The following KCNQ5 variants were observed in gnomAD, a reference collection of about 807,000 sequenced individuals.
KCNQ5 encodes the protein potassium voltage-gated channel subfamily KQT member 5.
KCNQ5 carries 30 observed loss-of-function variants against 98.2 expected under a neutral mutation model. That is an observed-to-expected ratio of 0.31 (90% CI 0.23 to 0.41). The LOEUF (loss-of-function observed/expected upper bound fraction) is 0.41, where lower values mean the gene tolerates loss of function less well. Ranked by LOEUF, KCNQ5 falls within the 10% of genes least tolerant of loss-of-function variation. KCNQ5 has a pLI of 1.00. For missense variants in KCNQ5, 835 were observed against 1,182.5 expected (o/e 0.71, Z 4.31); for synonymous variants, 458 against 449.4 (o/e 1.02, Z -0.24).
intron 10 of KCNQ5, among the ~76,000 whole-genome samples, chr6:73,137,358 A>G (rs963671219): frequency 6.6e-6 from 1 of 152,240 alleles, no homozygotes; most frequent in African/African-American, 2.4e-5. Context: ...TGCTGAAGCC[A>G]CAAATGACAA....
chr6:72,961,209 A>C (rs138494564), intron 1 of KCNQ5, among the ~76,000 whole-genome samples: 1 of 152,236 alleles, frequency 6.6e-6, no homozygotes. Context: ...TATACTGTGG[A>C]TAAGAGTGAT....
At chr6:72,764,492 G>A (rs1040118416) in intron 1 of KCNQ5, among the ~76,000 whole-genome samples, 3 of 151,864 alleles carry the variant, frequency 2.0e-5, no homozygotes, top group Admixed American at 2.0e-4. Context: ...TGGGTAAGTA[G>A]TATGTGTATA....
chr6:73,116,974 A>G (rs916545556), intron 7 of KCNQ5, among the ~76,000 whole-genome samples: 1 of 152,310 alleles, frequency 6.6e-6, no homozygotes, highest in South Asian at 2.1e-4. Context: ...TCCCAAAAAA[A>G]CTGAATTATA....
At chr6:72,812,442 G>A (rs534536947) in intron 1 of KCNQ5, among the ~76,000 whole-genome samples, 2 of 152,302 alleles carry the variant, frequency 1.3e-5, no homozygotes, top group African/African-American at 4.8e-5. Context: ...ATTGTACAGG[G>A]AGCCCATAGG....
intron 1 of KCNQ5, among the ~76,000 whole-genome samples, chr6:72,732,208 A>G (rs1003013156): frequency 6.6e-6 from 1 of 152,156 alleles, no homozygotes; most frequent in African/African-American, 2.4e-5. Context: ...AGATACAGAG[A>G]TACTTCTAGT....
chr6:72,705,926 T>TTG (rs1317563003), intron 1 of KCNQ5, among the ~76,000 whole-genome samples: 19 of 151,840 alleles, frequency 1.3e-4, no homozygotes, highest in South Asian at 4.2e-4. Context: ...GAAATGAGAT[T>TTG]TGTGTGTGTG....
intron 1 of KCNQ5, among the ~76,000 whole-genome samples, chr6:72,930,430 T>C (rs1028539214): frequency 1.3e-5 from 2 of 152,130 alleles, no homozygotes; most frequent in African/African-American, 4.8e-5. Context: ...TAGCCAGTCT[T>C]GGCTTTCTAA....
intron 1 of KCNQ5, among the ~76,000 whole-genome samples, chr6:72,627,471 T>C (rs1363171393): frequency 6.6e-6 from 1 of 152,208 alleles, no homozygotes; most frequent in African/African-American, 2.4e-5. Context: ...AAAAAGGTTA[T>C]GGCCAGCAGT....
rs534936933 is a variant in KCNQ5 at position 72,860,460 on chromosome 6, C to A, written c.399-143448C>A. 3.2e-4 allele frequency among the ~76,000 whole-genome samples: 49 copies of A among 152,096 alleles called. 1 individual carries two copies. The South Asian group carries it at 9.4e-3, about 29-fold the overall frequency. ...GTGGCTTTGGCTTACTTAATCTTTC[C>A]TAGGCTTCAGTTTCCTCATCTGTAA... On this transcript the variant is annotated intron_variant, in intron 1 of 13. Transcript: ENST00000370398.
chr6:72,910,603 TGTGG>T (rs200982093), intron 1 of KCNQ5, among the ~76,000 whole-genome samples: 3,481 of 138,668 alleles, frequency 0.025, 49 homozygotes, highest in Non-Finnish European at 0.035. Context: ...TGTGTGTGTG[TGTGG>T]CTGATAAATT....
At chr6:72,817,377 T>G (rs1177209560) in intron 1 of KCNQ5, among the ~76,000 whole-genome samples, 1 of 152,222 alleles carries the variant, frequency 6.6e-6, no homozygotes, top group Non-Finnish European at 1.5e-5. Context: ...AATATTTTAA[T>G]GTGCATTACT....
In KCNQ5 at chr6:72,856,530, G is replaced by C. The variant is rs529913671; in HGVS notation, c.399-147378G>C. Among the ~76,000 whole-genome samples the C allele has an allele frequency of 4.0e-5, 6 of 151,402 alleles. No individual in the cohort carries two copies. In the East Asian group the frequency reaches 1.2e-3, roughly 29 times the overall value. On this transcript the variant is annotated intron_variant, in intron 1 of 13. Coordinates refer to ENST00000370398, the MANE Select transcript of KCNQ5 (RefSeq NM_019842.4). ...TTTAAATAAAGATGCTTTCCAGCAGGGTAGACAAGTTGGGCAAAGGAAATA... is the reference window on the plus strand; with the variant it reads ...TTTAAATAAAGATGCTTTCCAGCAGCGTAGACAAGTTGGGCAAAGGAAATA...
chr6:72,816,407 C>T (rs538204507), intron 1 of KCNQ5, among the ~76,000 whole-genome samples: 16 of 152,146 alleles, frequency 1.1e-4, no homozygotes, highest in Admixed American at 2.0e-4. Flanking sequence ...GCTTAAAAGT[C>T]ACAAACTTCA....
intron 1 of KCNQ5, among the ~76,000 whole-genome samples, chr6:72,855,205 A>G (rs1777475389): frequency 2.0e-5 from 3 of 152,156 alleles, no homozygotes; most frequent in Admixed American, 6.5e-5. Flanking sequence ...TTTTTAAACC[A>G]GTTCTAGCAT....
intron 1 of KCNQ5, among the ~76,000 whole-genome samples, chr6:72,933,849 C>T (rs529064750): frequency 6.6e-5 from 10 of 152,052 alleles, no homozygotes; most frequent in Admixed American, 2.0e-4. Context: ...TACTATGAGC[C>T]GATAATTATT....
intron 1 of KCNQ5, among the ~76,000 whole-genome samples, chr6:72,934,378 GTGA>G (rs958059756): frequency 1.2e-4 from 18 of 152,106 alleles, no homozygotes; most frequent in Admixed American, 2.0e-4. Flanking sequence ...GATGATAATG[GTGA>G]TGATGGTGGT....
chr6:72,626,939 C>T (rs1041281605), intron 1 of KCNQ5, among the ~76,000 whole-genome samples: 3 of 152,176 alleles, frequency 2.0e-5, no homozygotes, highest in African/African-American at 7.2e-5. Flanking sequence ...ATGGAAGTGC[C>T]ATTCACTAAT....
At chr6:73,120,877 C>T (rs1775716517) in intron 8 of KCNQ5, among the ~76,000 whole-genome samples, 1 of 152,164 alleles carries the variant, frequency 6.6e-6, no homozygotes, top group African/African-American at 2.4e-5. Context: ...CACCAGCATC[C>T]TAAAGGTAAG....
At chr6:73,018,935 C>T (rs1356593494) in intron 2 of KCNQ5, among the ~76,000 whole-genome samples, 1 of 152,122 alleles carries the variant, frequency 6.6e-6, no homozygotes, top group Non-Finnish European at 1.5e-5. Context: ...ATTTTGGATA[C>T]TCGCTCTTCC....
Sources: allele counts gnomAD v4.1 joint callset (sites outside exome capture counted in the v4.1 genomes callset), GRCh38; gene constraint gnomAD v4.1.1; transcripts MANE v1.5; gene names NCBI Gene and HGNC (gene_info 2026-07-23, HGNC 2026-07-21).